ELOVL6: variants seen among roughly 807,000 people sequenced by gnomAD.
The protein encoded by ELOVL6 is ELOVL fatty acid elongase 6.
ELOVL6 carries 8 observed loss-of-function variants against 31.7 expected under a neutral mutation model. The ratio of observed to expected loss-of-function variants is 0.25; its 90% CI spans 0.15 to 0.45. The LOEUF (loss-of-function observed/expected upper bound fraction) is 0.45, where lower values mean the gene tolerates loss of function less well. ELOVL6 is among the 20% of genes least tolerant of loss of function. The pLI, the probability that ELOVL6 is intolerant of heterozygous loss-of-function variation, is 1.00. For synonymous variants in ELOVL6, 101 were observed against 117.7 expected (o/e 0.86, Z 0.92); for missense variants, 126 against 326.4 (o/e 0.39, Z 4.73).
intron 1 of ELOVL6, among the ~76,000 whole-genome samples, chr4:110,125,350 A>T (rs1578499609): frequency 1.3e-5 from 2 of 152,266 alleles, no homozygotes; most frequent in Middle Eastern, 6.8e-3. Context: ...ACACTTTTTT[A>T]AAAAGTCTTT....
At chr4:110,171,364 G>C (rs181629877) in intron 1 of ELOVL6, among the ~76,000 whole-genome samples, 1 of 151,904 alleles carries the variant, frequency 6.6e-6, no homozygotes, top group Non-Finnish European at 1.5e-5. Flanking sequence ...AGCCAAGATC[G>C]CGCCATTGCA....
intron 1 of ELOVL6, among the ~76,000 whole-genome samples, chr4:110,172,446 T>C (rs1211387310): frequency 2.0e-5 from 3 of 152,204 alleles, no homozygotes; most frequent in Non-Finnish European, 4.4e-5. Context: ...GGAGCAATGA[T>C]TCAGTGTTTG....
chr4:110,158,655 ATATTTT>A (rs1353070590), intron 1 of ELOVL6, among the ~76,000 whole-genome samples: 12 of 76,182 alleles, frequency 1.6e-4, no homozygotes, highest in African/African-American at 8.1e-4. Flanking sequence ...ATATATATAT[ATATTTT>A]TTTTTTTTTT....
chr4:110,186,785 CAGAA>C (rs1759452280), intron 1 of ELOVL6, among the ~76,000 whole-genome samples: 1 of 102,870 alleles, frequency 9.7e-6, no homozygotes, highest in Non-Finnish European at 1.8e-5. Flanking sequence ...GCCTAGGTAA[CAGAA>C]CGAGACTCTG....
intron 1 of ELOVL6, among the ~76,000 whole-genome samples, chr4:110,183,488 A>G (rs924001224): frequency 6.6e-6 from 1 of 152,206 alleles, no homozygotes; most frequent in Admixed American, 6.6e-5. Context: ...TCTTGAGACT[A>G]TACCTCAGGC....
chr4:110,075,175 T>C (rs960833377), intron 2 of ELOVL6, among the ~76,000 whole-genome samples: 6 of 152,070 alleles, frequency 3.9e-5, no homozygotes, highest in Non-Finnish European at 7.4e-5. Flanking sequence ...TTGGAGGGAA[T>C]ATAAAATGGC....
intron 1 of ELOVL6, among the ~76,000 whole-genome samples, chr4:110,193,422 C>T (rs1324114731): frequency 6.6e-6 from 1 of 152,010 alleles, no homozygotes; most frequent in Non-Finnish European, 1.5e-5. Context: ...CTGACCAACA[C>T]GGTGAATTCC....
At chr4:110,099,336 A>G (rs900415071) in intron 2 of ELOVL6, among the ~76,000 whole-genome samples, 3 of 152,182 alleles carry the variant, frequency 2.0e-5, no homozygotes, top group Non-Finnish European at 4.4e-5. Context: ...AAAAGAGAAT[A>G]ATTTTCTACT....
At chr4:110,085,024 A>T (rs2126236608) in intron 2 of ELOVL6, among the ~76,000 whole-genome samples, 1 of 152,282 alleles carries the variant, frequency 6.6e-6, no homozygotes, top group African/African-American at 2.4e-5. Flanking sequence ...TTGTGTATTG[A>T]TTAAGTTGTG....
chr4:110,172,642 TAAGTG>T lies in ELOVL6; in HGVS notation c.89+25600_89+25604del, dbSNP rs1300322148. 2.0e-5 allele frequency among the ~76,000 whole-genome samples: 3 copies of T among 152,226 alleles called. No homozygotes were observed. The East Asian group carries it at 5.8e-4, about 29-fold the overall frequency. ...CCACACTTGACACTGGTTGCTTAGT[TAAGTG>T]AATACCCTTCTTCTTAAGAAACGTC... On this transcript the variant is annotated intron_variant, in intron 1 of 3. Coordinates refer to ENST00000302274, the MANE Select transcript of ELOVL6 (RefSeq NM_024090.3).
intron 2 of ELOVL6, among the ~76,000 whole-genome samples, chr4:110,084,135 ATGATATATATGATATATATAACATATATG>A (rs1167087558): frequency 0.037 from 1,288 of 35,204 alleles, 243 homozygotes; most frequent in African/African-American, 0.27. Context: ...ATATGTGATA[ATGATATATATGATATATATAACATATATG>A]TGATATATAT....
intron 1 of ELOVL6, among the ~76,000 whole-genome samples, chr4:110,114,868 A>T (rs146486614): frequency 8.9e-4 from 136 of 152,326 alleles, no homozygotes; most frequent in Non-Finnish European, 1.7e-3. Flanking sequence ...TTTAAATCAA[A>T]ACCAAGAAAA....
chr4:110,137,551 GT>G (rs113230679), intron 1 of ELOVL6, among the ~76,000 whole-genome samples: 7,055 of 152,208 alleles, frequency 0.046, 173 homozygotes, highest in South Asian at 0.071. Flanking sequence ...ATCCATGTCA[GT>G]TAAGTTTATG....
chr4:110,084,135 A>ATATAACATATATG (rs1553955997), intron 2 of ELOVL6, among the ~76,000 whole-genome samples: 9 of 35,284 alleles, frequency 2.6e-4, no homozygotes, highest in African/African-American at 1.2e-3. Context: ...ATATGTGATA[A>ATATAACATATATG]TGATATATAT....
intron 1 of ELOVL6, among the ~76,000 whole-genome samples, chr4:110,174,878 T>C (rs7681272): frequency 0.026 from 3,921 of 152,278 alleles, 67 homozygotes; most frequent in Non-Finnish European, 0.039. Context: ...ATTATTCTTA[T>C]AGAGTGCAAT....
chr4:110,095,189 C>T (rs1756546359), intron 2 of ELOVL6, among the ~76,000 whole-genome samples: 1 of 152,016 alleles, frequency 6.6e-6, no homozygotes, highest in Non-Finnish European at 1.5e-5. Context: ...TGTTCAAAGA[C>T]ATGAAATTAG....
chr4:110,139,166 A>G (rs1017407158), intron 1 of ELOVL6, among the ~76,000 whole-genome samples: 15 of 152,212 alleles, frequency 9.9e-5, no homozygotes, highest in African/African-American at 1.9e-4. Context: ...AATAAACAAC[A>G]AAATGAAAAC....
intron 2 of ELOVL6, among the ~76,000 whole-genome samples, chr4:110,071,946 T>G (rs1227931906): frequency 6.6e-6 from 1 of 152,194 alleles, no homozygotes; most frequent in Non-Finnish European, 1.5e-5. Context: ...GCTGATAACT[T>G]CATAACGTGA....
chr4:110,187,285 G>A (rs936360149), intron 1 of ELOVL6, among the ~76,000 whole-genome samples: 1 of 151,660 alleles, frequency 6.6e-6, no homozygotes, highest in African/African-American at 2.4e-5. Context: ...AATTTACATA[G>A]TATCTATTGT....
Sources: allele counts gnomAD v4.1 joint callset (sites outside exome capture counted in the v4.1 genomes callset), GRCh38; gene constraint gnomAD v4.1.1; transcripts MANE v1.5; gene names NCBI Gene and HGNC (gene_info 2026-07-23, HGNC 2026-07-21).